The following ZMIZ2 variants were observed in gnomAD, a reference collection of about 807,000 sequenced individuals.
ZMIZ2 encodes zinc finger MIZ-type containing 2.
In ZMIZ2, 26 loss-of-function variants were observed where a neutral mutation model predicts 93.9. That is an observed-to-expected ratio of 0.28 (90% CI 0.20 to 0.38). ZMIZ2 has a LOEUF of 0.38. Ranked by LOEUF, ZMIZ2 falls within the 10% of genes least tolerant of loss-of-function variation. ZMIZ2 has a pLI of 1.00. For synonymous variants in ZMIZ2, 485 were observed against 516.4 expected (o/e 0.94, Z 0.82); for missense variants, 1,023 against 1,235.0 (o/e 0.83, Z 2.57).
In ZMIZ2 at chr7:44,757,994, G is replaced by A; in HGVS notation, c.699G>A (p.Arg233=). The change falls in exon 6 of 19, where the codon CGG becomes CGA. Residue 233 remains arginine, a synonymous_variant. Coordinates refer to ENST00000309315, the MANE Select transcript of ZMIZ2 (RefSeq NM_031449.4). Reference sequence around the variant, plus strand: ...CCCCCTTGGCTATGAACCCCACCCGGGCAGCAGGAATGACACCCTTGTATG... The same window carrying A: ...CCCCCTTGGCTATGAACCCCACCCGAGCAGCAGGAATGACACCCTTGTATG... The part of the protein sequence containing the change: ...GLSPLAMNPT[R]AAGMTPLYAG... 6.2e-7 allele frequency: 1 copy of A among 1,612,578 alleles called. No individual in the cohort carries two copies. Among genetic ancestry groups the A allele is most frequent in the Non-Finnish European group, 8.5e-7 (1 of 1,179,420 alleles).
In ZMIZ2 at chr7:44,765,728, C is replaced by T. The variant is rs990043517; in HGVS notation, c.2242+149C>T. The T allele has an allele frequency of 5.0e-6, 6 of 1,209,560 alleles. No individual in the cohort carries two copies. Among genetic ancestry groups the T allele is most frequent in the African/African-American group, 3.0e-5 (2 of 65,586 alleles). The allele number at this position is 1,209,560 out of a possible 1,614,324, so 74.9% of individuals were successfully genotyped here. A position where few individuals can be genotyped will look rare whatever the true frequency, so the allele number is the denominator to read the frequency against. ...GCCACACAAAACATGCCGCGGGGCA[C>T]CTCCAGCCCCTCCCATCTCAGGGAC... On this transcript the variant is annotated intron_variant, in intron 16 of 18. Transcript: ENST00000309315. This position sits in a 1 kb window ranked among gnomAD's most constrained non-coding sequence, Gnocchi z 4.1.
In ZMIZ2 at chr7:44,756,264, C is replaced by T. The variant is rs776541802; in HGVS notation, c.15C>T (p.Asn5=). Residue 5 remains asparagine (N), a synonymous_variant, in exon 2 of 19, where the codon AAC becomes AAT. Transcript: ENST00000309315. ...CTCCATTGCCAATGAACTCCATGAA[C>T]CCCATGAAACCTGCCCTGCCCCCTG... is the stretch of plus-strand genomic sequence containing the variant. MNSM[N]PMKPALPPAP... is the part of the protein sequence containing the mutation. The T allele has an allele frequency of 3.1e-6, 5 of 1,613,890 alleles. No homozygotes were observed. In the Admixed American group the frequency reaches 6.7e-5, roughly 22 times the overall value.
Position 44,760,146 on chromosome 7 carries a change from C to T in ZMIZ2, c.994-5C>T, listed in dbSNP as rs373918760. On this transcript the variant is annotated splice_polypyrimidine_tract_variant and splice_region_variant and intron_variant, in intron 7 of 18. Coordinates refer to ENST00000309315, the MANE Select transcript of ZMIZ2 (RefSeq NM_031449.4). ...CCCAGGTGCATGCAGTTTTCTCTCC[C>T]GCAGCCCACAGAGCAGTTCAACGGG... 1.2e-5 allele frequency: 20 copies of T among 1,613,758 alleles called. No individual in the cohort carries two copies. Among genetic ancestry groups the T allele is most frequent in the Admixed American group, 3.3e-5 (2 of 59,998 alleles).
intron 1 of ZMIZ2, among the ~76,000 whole-genome samples, chr7:44,753,096 C>G (rs1421589352): frequency 2.0e-5 from 3 of 152,196 alleles, no homozygotes; most frequent in Non-Finnish European, 4.4e-5. Flanking sequence ...CATTTCCCCA[C>G]TGACTAGTGA....
rs527659902 is a variant in ZMIZ2 at position 44,761,559 on chromosome 7, C to T, written c.1351C>T (p.Leu451=). The T allele has an allele frequency of 2.5e-6, 4 of 1,614,158 alleles. No homozygotes were observed. In the South Asian group the frequency reaches 4.4e-5, roughly 18 times the overall value. Residue 451 remains leucine (L), a synonymous_variant, in exon 10 of 19, where the codon CTG becomes TTG. Transcript: ENST00000309315. The surrounding 1 kb of genome is among the most constrained non-coding windows in gnomAD (Gnocchi z 5.8). ...NLAVSNHVFQ[L]RDSVYKTLIM... is the part of the protein sequence containing the mutation. ...GGCTGTAAGCAACCATGTCTTCCAG[C>T]TGCGAGACTCAGTCTACAAGACCCT...
chr7:44,759,009 G>A (rs1288059561), intron 6 of ZMIZ2, among the ~76,000 whole-genome samples: 2 of 150,890 alleles, frequency 1.3e-5, no homozygotes, highest in African/African-American at 4.9e-5. Context: ...TTGAACCCAG[G>A]AGGTGGAGGC....
At position 44,765,896 on chromosome 7, in the gene ZMIZ2, C is replaced by G; in HGVS notation, c.2243-268C>G. On this transcript the variant is annotated intron_variant, in intron 16 of 18. Coordinates refer to ENST00000309315, the MANE Select transcript of ZMIZ2 (RefSeq NM_031449.4). The surrounding 1 kb of genome is among the most constrained non-coding windows in gnomAD (Gnocchi z 4.1). ...CCATCTGGGGCCCCCCTCTGGGACC[C>G]ACCTCACACGCGTGGTGCGTTTGTT... 1 of 1,388,368 alleles carries G rather than the reference C, an allele frequency of 7.2e-7. No individual in the cohort carries two copies. Among genetic ancestry groups the G allele is most frequent in the African/African-American group, 1.5e-5 (1 of 68,926 alleles). The allele number at this position is 1,388,368 out of a possible 1,614,324, so 86.0% of individuals were successfully genotyped here. A position where few individuals can be genotyped will look rare whatever the true frequency, so the allele number is the denominator to read the frequency against.
rs1042226742 is a variant in ZMIZ2, at chr7:44,768,574, G to C, written c.*951G>C. 1.3e-5 allele frequency: 2 copies of C among 152,372 alleles called. No homozygotes were observed. The highest frequency in any genetic ancestry group is 2.4e-5 in the African/African-American group (1 of 41,478). 9.4% of individuals were successfully genotyped at this position (152,372 alleles called of 1,614,324 possible). ...CCACCCCATGGGCCCACACCCAGGT[G>C]GGGGAGGAGGAAGCCACTGCATCTG... is the stretch of plus-strand genomic sequence containing the variant. On this transcript the variant is annotated 3_prime_UTR_variant, in exon 19 of 19. Coordinates refer to ENST00000309315, the MANE Select transcript of ZMIZ2 (RefSeq NM_031449.4).
In ZMIZ2 at chr7:44,766,929, G is replaced by T. The variant is rs1562752157; in HGVS notation, c.2655+266G>T. 1.3e-5 allele frequency among the ~76,000 whole-genome samples: 2 copies of T among 152,184 alleles called. No homozygotes were observed. The highest frequency in any genetic ancestry group is 6.5e-5 in the Admixed American group (1 of 15,276). On this transcript the variant is annotated intron_variant, in intron 18 of 18. Transcript: ENST00000309315. This position sits in a 1 kb window ranked among gnomAD's most constrained non-coding sequence, Gnocchi z 4.4. Reference sequence around the variant, plus strand: ...GAGGAGACTGCACTGGAAGCTGACAGCACGGTCCTTAGAGTCAAATTTCGT... The same window carrying T: ...GAGGAGACTGCACTGGAAGCTGACATCACGGTCCTTAGAGTCAAATTTCGT...
At chr7:44,762,828 A>G in intron 11 of ZMIZ2, 53 bp from the exon 12 acceptor site, 2 of 1,277,630 alleles carry the variant, frequency 1.6e-6, no homozygotes, top group South Asian at 2.9e-5. Context: ...TTACCTGGCC[A>G]GGGTGGCCCC....
intron 8 of ZMIZ2, 56 bp from the exon 9 acceptor site, chr7:44,760,369 C>CTCCA (rs1791055618): frequency 6.3e-7 from 1 of 1,599,612 alleles, no homozygotes; most frequent in Non-Finnish European, 8.5e-7. Context: ...CGTGAACAGA[C>CTCCA]TCCACTCCCA....
chr7:44,756,335 T>G, intron 2 of ZMIZ2, 36 bp downstream of exon 2: 1 of 1,613,874 alleles, frequency 6.2e-7, no homozygotes, highest in Non-Finnish European at 8.5e-7. Context: ...CCTCAGGCCC[T>G]GGGGTTGGGG....
chr7:44,756,863 C>A, intron 3 of ZMIZ2, 84 bp from the exon 4 acceptor site: 2 of 1,528,068 alleles, frequency 1.3e-6, no homozygotes, highest in Non-Finnish European at 9.0e-7. Flanking sequence ...ACTTGCCAGG[C>A]CTGTTGGTTT....
chr7:44,767,776 C>A lies in ZMIZ2; in HGVS notation c.*153C>A. The A allele has an allele frequency of 4.3e-6, 3 of 700,710 alleles. No homozygotes were observed. In the South Asian group the frequency reaches 5.2e-5, roughly 12 times the overall value. 43.4% of individuals were successfully genotyped at this position (700,710 alleles called of 1,614,324 possible). On this transcript the variant is annotated 3_prime_UTR_variant, in exon 19 of 19. Transcript: ENST00000309315. ...AGAGCCTTCTGCCGCCAGCCCTGCCCCTGAATTGGAAGCAGCCCTGTGCTC... is the reference window on the plus strand; with the variant it reads ...AGAGCCTTCTGCCGCCAGCCCTGCCACTGAATTGGAAGCAGCCCTGTGCTC...
chr7:44,757,410 C>T lies in ZMIZ2; in HGVS notation c.401C>T (p.Pro134Leu). ...YAGGPGGLGL[P>L]SHAARPSTDF... The stretch of plus-strand genomic sequence containing the variant: ...GGCGGCCCGGGGGGCCTGGGCCTCC[C>T]CTCACATGCTGCAAGACCCTCCACT... Residue 134 changes from proline to leucine, a missense_variant, in exon 5 of 19, where the codon CCC (proline) becomes CTC (leucine). Physicochemically the swap from Pro to Leu is moderately conservative, Grantham distance 98 (BLOSUM62 -3). Coordinates refer to ENST00000309315, the MANE Select transcript of ZMIZ2 (RefSeq NM_031449.4). 1 of 1,603,666 alleles carries T rather than the reference C, an allele frequency of 6.2e-7. No individual in the cohort carries two copies. Among genetic ancestry groups the T allele is most frequent in the Middle Eastern group, 1.7e-4 (1 of 6,050 alleles).
intron 1 of ZMIZ2, among the ~76,000 whole-genome samples, chr7:44,754,128 G>C (rs1790388249): frequency 6.6e-6 from 1 of 152,240 alleles, no homozygotes; most frequent in Non-Finnish European, 1.5e-5. Flanking sequence ...CCACCCAGCA[G>C]TTCTGGGGAG....
In ZMIZ2 at chr7:44,757,112, C is replaced by T. The variant is rs746898806; in HGVS notation, c.331C>T (p.Arg111Cys). Residue 111 changes from arginine (R) to cysteine (C), a missense_variant, in exon 4 of 19, where the codon CGC becomes TGC. Arg to Cys is a radical substitution (Grantham distance 180, BLOSUM62 -3). Transcript: ENST00000309315. Reference protein sequence around the residue: ...KGYVQQGVYSRGGYPGAPGFT... With the variant: ...KGYVQQGVYSCGGYPGAPGFT... ...CTACGTGCAGCAAGGCGTGTACAGC[C>T]GCGGGGGCTACCCTGGGGCCCCCGG... 7.5e-6 allele frequency: 12 copies of T among 1,600,956 alleles called. No individual in the cohort carries two copies. In the African/African-American group the frequency reaches 8.1e-5, roughly 11 times the overall value.
At chr7:44,751,533 C>G (rs910212819) in intron 1 of ZMIZ2, among the ~76,000 whole-genome samples, 10 of 152,378 alleles carry the variant, frequency 6.6e-5, no homozygotes, top group African/African-American at 2.4e-4. Flanking sequence ...GCCAGATTCC[C>G]TCTCTGTTCT....
intron 1 of ZMIZ2, among the ~76,000 whole-genome samples, chr7:44,751,273 A>G (rs1422489103): frequency 6.6e-6 from 1 of 152,206 alleles, no homozygotes; most frequent in Non-Finnish European, 1.5e-5. Context: ...TTCTCAAACT[A>G]CAGTTCCTGG....
Sources: gnomAD v4.1 joint callset for allele counts (sites outside exome capture counted in the v4.1 genomes callset) on GRCh38, gnomAD v4.1.1 for gene constraint, Gnocchi (gnomAD v3.1) non-coding constraint, MANE v1.5 for transcripts, NCBI Gene and HGNC (gene_info 2026-07-23, HGNC 2026-07-21) for gene names.